The following PREX2 variants were observed in gnomAD, a reference collection of about 807,000 sequenced individuals.
PREX2 encodes the protein phosphatidylinositol 3,4,5-trisphosphate-dependent Rac exchanger 2 protein.
In PREX2, 107 loss-of-function variants were observed where a neutral mutation model predicts 203.2. That is an observed-to-expected ratio of 0.53 (90% CI 0.45 to 0.62). The LOEUF (loss-of-function observed/expected upper bound fraction) is 0.62. PREX2 is among the 20% of genes least tolerant of loss of function. The pLI, the probability that PREX2 is intolerant of heterozygous loss-of-function variation, is 0.00. For synonymous variants in PREX2, 672 were observed against 663.6 expected (o/e 1.01, Z -0.19); for missense variants, 1,777 against 1,955.9 (o/e 0.91, Z 1.72).
chr8:67,956,482 C>T (rs1038817166), intron 1 of PREX2, among the ~76,000 whole-genome samples: 6 of 152,150 alleles, frequency 3.9e-5, no homozygotes, highest in African/African-American at 9.7e-5. Context: ...TCTGATGGGA[C>T]GGTGGACATG....
chr8:68,152,273 G>A (rs991978828), intron 34 of PREX2, among the ~76,000 whole-genome samples: 26 of 106,252 alleles, frequency 2.4e-4, no homozygotes, highest in African/African-American at 8.6e-4. Flanking sequence ...GCGACAGAGC[G>A]AGACTCCCTC....
At chr8:68,194,933 C>A (rs1163294874) in intron 37 of PREX2, among the ~76,000 whole-genome samples, 1 of 151,946 alleles carries the variant, frequency 6.6e-6, no homozygotes, top group African/African-American at 2.4e-5. Flanking sequence ...AACAAGGAGT[C>A]CATTGTGGCC....
At chr8:68,069,998 T>G (rs998714973) in intron 13 of PREX2, 114 bp downstream of exon 13, 57 of 517,966 alleles carry the variant, frequency 1.1e-4, no homozygotes, top group Non-Finnish European at 1.7e-4. Context: ...TTCACTTTAC[T>G]TTAAAATATT....
In PREX2 at chr8:68,099,755, T is replaced by C; in HGVS notation, c.2627T>C (p.Val876Ala). 6.2e-7 allele frequency: 1 copy of C among 1,613,834 alleles called. No homozygotes were observed. Among genetic ancestry groups the C allele is most frequent in the Non-Finnish European group, 8.5e-7 (1 of 1,179,782 alleles). Residue 876 changes from valine (V) to alanine (A), a missense_variant, in exon 23 of 40, where the codon GTG becomes GCG. By Grantham distance (64) the Val-to-Ala change is moderately conservative. Transcript: ENST00000288368. ...ACCAGCCTAAATTCTCTAAATGAAG[T>C]GATTCCTACTGACCTTCAGAGTAAA... ...NCTSLNSLNEVIPTDLQSKFS... is the reference protein window; with the variant it reads ...NCTSLNSLNEAIPTDLQSKFS...
At chr8:68,134,680 A>G (rs1008770114) in intron 32 of PREX2, among the ~76,000 whole-genome samples, 1 of 152,230 alleles carries the variant, frequency 6.6e-6, no homozygotes, top group Non-Finnish European at 1.5e-5. Flanking sequence ...CTTGAGAGCC[A>G]AGCTTGGAGA....
intron 35 of PREX2, among the ~76,000 whole-genome samples, chr8:68,176,216 C>G (rs1450502104): frequency 6.6e-6 from 1 of 152,136 alleles, no homozygotes; most frequent in Non-Finnish European, 1.5e-5. Flanking sequence ...GACAGAGGAA[C>G]AAATCCCTTT....
In PREX2 at chr8:68,118,569, A is replaced by G. The variant is rs1282433615; in HGVS notation, c.3346A>G (p.Asn1116Asp). 1.9e-6 allele frequency: 3 copies of G among 1,613,808 alleles called. No homozygotes were observed. Among genetic ancestry groups the G allele is most frequent in the Non-Finnish European group, 1.7e-6 (2 of 1,179,850 alleles). The change falls in exon 27 of 40, where the codon AAT becomes GAT. Residue 1116 changes from asparagine (N) to aspartate (D), a missense_variant. Transcript: ENST00000288368. ...TTTCAGTGACTGCAACAGCAATAGG[A>G]ATTCCATCGCCTCCTTCACCAGCAT... ...DSYSDCNSNR[N>D]SIASFTSICS...
chr8:68,070,756 G>A (rs1383323754), intron 13 of PREX2, among the ~76,000 whole-genome samples: 1 of 152,028 alleles, frequency 6.6e-6, no homozygotes, highest in Non-Finnish European at 1.5e-5. Context: ...CCAAGAAAAT[G>A]CGAAGCTTAA....
chr8:68,049,926 C>T (rs559151325), intron 8 of PREX2, among the ~76,000 whole-genome samples: 180 of 151,566 alleles, frequency 1.2e-3, no homozygotes, highest in Non-Finnish European at 2.0e-3. Context: ...GTCACTGTAT[C>T]TTTTGAAAAA....
At chr8:67,989,139 G>GA (rs1054475204) in intron 1 of PREX2, among the ~76,000 whole-genome samples, 3 of 150,238 alleles carry the variant, frequency 2.0e-5, no homozygotes, top group African/African-American at 7.3e-5. Flanking sequence ...GAATGGATGT[G>GA]AAAAAAAAGA....
At chr8:68,055,327 G>A (rs1239075703) in intron 9 of PREX2, among the ~76,000 whole-genome samples, 1 of 152,186 alleles carries the variant, frequency 6.6e-6, no homozygotes, top group African/African-American at 2.4e-5. Context: ...TGCTTCAAAT[G>A]AGTTAGCTCT....
rs1810984131 is a variant in PREX2 at position 68,130,424 on chromosome 8, A to G, written c.3766+3005A>G. On this transcript the variant is annotated intron_variant, in intron 31 of 39. Coordinates refer to ENST00000288368, the MANE Select transcript of PREX2 (RefSeq NM_024870.4). ...CTGGATATTTTTGCTGAGAGTTAGTAGATTTTGTTGTATTTATGTAACAAA... is the reference window on the plus strand; with the variant it reads ...CTGGATATTTTTGCTGAGAGTTAGTGGATTTTGTTGTATTTATGTAACAAA... Among the ~76,000 whole-genome samples, 4 of 152,212 alleles carry G rather than the reference A, an allele frequency of 2.6e-5. No individual in the cohort carries two copies. The South Asian group carries it at 8.3e-4, about 32-fold the overall frequency.
intron 15 of PREX2, among the ~76,000 whole-genome samples, chr8:68,079,254 T>C (rs117552198): frequency 0.015 from 2,284 of 152,344 alleles, 33 homozygotes; most frequent in Non-Finnish European, 0.019. Context: ...GTTTCGTTTG[T>C]TAACTCAAGT....
chr8:68,029,768 A>G (rs1011965644), intron 5 of PREX2, among the ~76,000 whole-genome samples: 2 of 152,142 alleles, frequency 1.3e-5, no homozygotes, highest in Non-Finnish European at 1.5e-5. Flanking sequence ...AACAACTAAC[A>G]AGGGCTTTCA....
At chr8:67,955,147 CAAAAAAAA>C (rs1183491822) in intron 1 of PREX2, among the ~76,000 whole-genome samples, 4 of 51,908 alleles carry the variant, frequency 7.7e-5, no homozygotes, top group African/African-American at 1.9e-4. Context: ...GACTCCATCT[CAAAAAAAA>C]AAAAAAAAAA....
At chr8:67,999,050 A>G (rs1388322118) in intron 1 of PREX2, among the ~76,000 whole-genome samples, 1 of 152,156 alleles carries the variant, frequency 6.6e-6, no homozygotes, top group African/African-American at 2.4e-5. Context: ...GCAACTTTCT[A>G]CATCTCAATT....
intron 19 of PREX2, among the ~76,000 whole-genome samples, chr8:68,090,167 A>C (rs1395359051): frequency 6.6e-6 from 1 of 152,316 alleles, no homozygotes. Flanking sequence ...TGTCATTTTA[A>C]AAAACAGAAG....
intron 37 of PREX2, among the ~76,000 whole-genome samples, chr8:68,198,787 A>T (rs757060912): frequency 5.3e-5 from 8 of 152,172 alleles, no homozygotes; most frequent in Non-Finnish European, 7.3e-5. Flanking sequence ...AGAAATCTGG[A>T]ATCACAGTTT....
intron 35 of PREX2, among the ~76,000 whole-genome samples, chr8:68,175,399 G>A (rs145738185): frequency 0.011 from 1,607 of 152,212 alleles, 39 homozygotes; most frequent in African/African-American, 0.037. Flanking sequence ...GGGGCAGGCC[G>A]GGGTCGGAGA....
Sources: allele counts gnomAD v4.1 joint callset (sites outside exome capture counted in the v4.1 genomes callset), GRCh38; gene constraint gnomAD v4.1.1; transcripts MANE v1.5; gene names NCBI Gene and HGNC (gene_info 2026-07-23, HGNC 2026-07-21).